The following ATP6V1C1 variants were observed in gnomAD, a reference collection of about 807,000 sequenced individuals.
ATP6V1C1 encodes ATPase H+ transporting V1 subunit C1.
ATP6V1C1 carries 45 observed loss-of-function variants against 53.9 expected under a neutral mutation model. That is an observed-to-expected ratio of 0.83 (90% CI 0.66 to 1.07). The LOEUF (loss-of-function observed/expected upper bound fraction) is 1.07. ATP6V1C1 is among the 50% of genes least tolerant of loss of function. The pLI is 0.00. For synonymous variants in ATP6V1C1, 153 were observed against 155.2 expected (o/e 0.99, Z 0.11); for missense variants, 315 against 440.3 (o/e 0.72, Z 2.55).
intron 1 of ATP6V1C1, among the ~76,000 whole-genome samples, chr8:103,030,195 G>A (rs1816773043): frequency 1.3e-5 from 2 of 151,622 alleles, no homozygotes; most frequent in African/African-American, 4.9e-5. Context: ...TAGTACAAAA[G>A]CAATACATGT....
intron 4 of ATP6V1C1, among the ~76,000 whole-genome samples, chr8:103,050,773 A>G (rs1353569068): frequency 6.6e-6 from 1 of 152,218 alleles, no homozygotes; most frequent in Admixed American, 6.5e-5. Context: ...CATATGAGGC[A>G]TATTAGGAAT....
In ATP6V1C1 at chr8:103,063,566, A is replaced by T. The variant is rs560461959; in HGVS notation, c.828+338A>T. On this transcript the variant is annotated intron_variant, in intron 10 of 12. Transcript: ENST00000518738. Reference sequence around the variant, plus strand: ...TTTTAAATGCAGTATTCTGGTTAACATCCTTGTAGGTGAAGGGTGATTTTA... The same window carrying T: ...TTTTAAATGCAGTATTCTGGTTAACTTCCTTGTAGGTGAAGGGTGATTTTA... 4.7e-4 allele frequency among the ~76,000 whole-genome samples: 72 copies of T among 152,318 alleles called. 1 individual carries two copies. The highest frequency in any genetic ancestry group is 7.2e-4 in the Non-Finnish European group (49 of 67,998).
chr8:103,051,241 G>A, intron 5 of ATP6V1C1, 97 bp downstream of exon 5: 2 of 851,886 alleles, frequency 2.3e-6, no homozygotes. Flanking sequence ...TTTTGATAAG[G>A]CAACTTAATT....
In ATP6V1C1 at chr8:103,068,925, T is replaced by C. The variant is rs986634231; in HGVS notation, c.*178T>C. On this transcript the variant is annotated 3_prime_UTR_variant, in exon 13 of 13. Coordinates refer to ENST00000518738, the MANE Select transcript of ATP6V1C1 (RefSeq NM_001695.5). ...CATTTTCTTTTTAAAGGAAAAAATA[T>C]ATATATATAGTTTCTTTTTATTGAT... is the stretch of plus-strand genomic sequence containing the variant. 3 of 367,044 alleles carry C rather than the reference T, an allele frequency of 8.2e-6. No homozygotes were observed. Among genetic ancestry groups the C allele is most frequent in the East Asian group, 4.2e-5 (1 of 23,838 alleles). The allele number at this position is 367,044 out of a possible 1,614,324, so 22.7% of individuals were successfully genotyped here. A position where few individuals can be genotyped will look rare whatever the true frequency, so the allele number is the denominator to read the frequency against.
intron 1 of ATP6V1C1, 84 bp downstream of exon 1, chr8:103,021,309 G>A (rs1816581225): frequency 6.5e-6 from 1 of 152,756 alleles, no homozygotes; most frequent in African/African-American, 2.4e-5. Flanking sequence ...GAGGGACGCG[G>A]GTGGGTGCGG....
chr8:103,042,284 T>G (rs943270325), intron 2 of ATP6V1C1, 56 bp from the exon 3 acceptor site: 4 of 1,494,474 alleles, frequency 2.7e-6, no homozygotes, highest in Non-Finnish European at 3.7e-6. Context: ...TGAATCATCT[T>G]GTTTTTTTTT....
intron 1 of ATP6V1C1, among the ~76,000 whole-genome samples, chr8:103,027,355 T>G (rs781631848): frequency 6.6e-6 from 1 of 152,198 alleles, no homozygotes; most frequent in African/African-American, 2.4e-5. Context: ...CTTGAAAGCA[T>G]TGAAATCAGT....
chr8:103,049,088 T>C lies in ATP6V1C1; in HGVS notation c.286+133T>C, dbSNP rs1431573737. The C allele has an allele frequency of 3.9e-6, 3 of 760,858 alleles. No homozygotes were observed. The Admixed American group carries it at 8.9e-5, about 23-fold the overall frequency. 47.1% of individuals were successfully genotyped at this position (760,858 alleles called of 1,614,324 possible). On this transcript the variant is annotated intron_variant, in intron 4 of 12. Coordinates refer to ENST00000518738, the MANE Select transcript of ATP6V1C1 (RefSeq NM_001695.5). Reference sequence around the variant, plus strand: ...CAATAGAAAGCCATTAAAATACAATTATTATTACTGAATTTGGTGATACTT... The same window carrying C: ...CAATAGAAAGCCATTAAAATACAATCATTATTACTGAATTTGGTGATACTT...
At chr8:103,021,831 C>G (rs1816600118) in intron 1 of ATP6V1C1, among the ~76,000 whole-genome samples, 1 of 151,960 alleles carries the variant, frequency 6.6e-6, no homozygotes, top group Non-Finnish European at 1.5e-5. Flanking sequence ...AAAACAAACC[C>G]CTAGAAAAGA....
At chr8:103,049,000 A>T (rs1817153760) in intron 4 of ATP6V1C1, 45 bp downstream of exon 4, 1 of 1,547,634 alleles carries the variant, frequency 6.5e-7, no homozygotes, top group Non-Finnish European at 8.9e-7. Context: ...CATACAAAGC[A>T]AATAACTAAG....
intron 8 of ATP6V1C1, among the ~76,000 whole-genome samples, chr8:103,056,728 A>G (rs1817294750): frequency 6.6e-6 from 1 of 152,324 alleles, no homozygotes; most frequent in Non-Finnish European, 1.5e-5. Context: ...CTTTGAGAAA[A>G]TATAAATACA....
chr8:103,060,505 A>G (rs1256428247), intron 8 of ATP6V1C1, among the ~76,000 whole-genome samples: 1 of 152,220 alleles, frequency 6.6e-6, no homozygotes, highest in Non-Finnish European at 1.5e-5. Flanking sequence ...TATTGCAGTT[A>G]CTTGTGTATG....
At chr8:103,048,419 A>G (rs887533064) in intron 3 of ATP6V1C1, among the ~76,000 whole-genome samples, 2 of 152,196 alleles carry the variant, frequency 1.3e-5, no homozygotes, top group African/African-American at 4.8e-5. Flanking sequence ...CATCATGACT[A>G]TTGCTTACGT....
chr8:103,068,997 A>G lies in ATP6V1C1; in HGVS notation c.*250A>G. Reference sequence around the variant, plus strand: ...AAAAAATCAGAGTTTATTTATAAACAAAATAGTTTATTTAAAGAGAAGGTC... The same window carrying G: ...AAAAAATCAGAGTTTATTTATAAACGAAATAGTTTATTTAAAGAGAAGGTC... On this transcript the variant is annotated 3_prime_UTR_variant, in exon 13 of 13. Transcript: ENST00000518738. The G allele has an allele frequency of 3.8e-6, 1 of 261,872 alleles. No individual in the cohort carries two copies. Among genetic ancestry groups the G allele is most frequent in the Non-Finnish European group, 7.1e-6 (1 of 141,698 alleles). 16.2% of individuals were successfully genotyped at this position (261,872 alleles called of 1,614,324 possible). A position where few individuals can be genotyped will look rare whatever the true frequency, so the allele number is the denominator to read the frequency against.
intron 3 of ATP6V1C1, among the ~76,000 whole-genome samples, chr8:103,042,815 C>G (rs1202882025): frequency 6.6e-6 from 1 of 152,142 alleles, no homozygotes; most frequent in Non-Finnish European, 1.5e-5. Context: ...TATAGATTTG[C>G]TTGGTCTGGA....
chr8:103,027,830 G>C (rs1413787037), intron 1 of ATP6V1C1, among the ~76,000 whole-genome samples: 1 of 151,860 alleles, frequency 6.6e-6, no homozygotes, highest in African/African-American at 2.4e-5. Context: ...TCTACATGAA[G>C]TCTTCCTCCC....
intron 1 of ATP6V1C1, among the ~76,000 whole-genome samples, chr8:103,030,729 A>AGAGG (rs1816782691): frequency 6.6e-6 from 1 of 151,886 alleles, no homozygotes; most frequent in Non-Finnish European, 1.5e-5. Context: ...ATTGACAGAG[A>AGAGG]GAGGGAGCTA....
intron 8 of ATP6V1C1, among the ~76,000 whole-genome samples, chr8:103,058,514 C>T (rs1817330710): frequency 6.6e-6 from 1 of 152,164 alleles, no homozygotes; most frequent in Admixed American, 6.5e-5. Flanking sequence ...GAATTTTTGG[C>T]TTATCATCAC....
In ATP6V1C1 at chr8:103,071,870, G is replaced by C. The variant is rs1377692765; in HGVS notation, c.*3123G>C. Reference sequence around the variant, plus strand: ...GAGCTCAAGGGATCCTCCCGCCTCAGCCTCCCAAAGTGCTGGTGTTACAGG... The same window carrying C: ...GAGCTCAAGGGATCCTCCCGCCTCACCCTCCCAAAGTGCTGGTGTTACAGG... On this transcript the variant is annotated 3_prime_UTR_variant, in exon 13 of 13. Coordinates refer to ENST00000518738, the MANE Select transcript of ATP6V1C1 (RefSeq NM_001695.5). 6.6e-6 allele frequency: 1 copy of C among 152,442 alleles called. No individual in the cohort carries two copies. Among genetic ancestry groups the C allele is most frequent in the South Asian group, 2.1e-4 (1 of 4,822 alleles). 9.4% of individuals were successfully genotyped at this position (152,442 alleles called of 1,614,324 possible).
Sources: allele counts gnomAD v4.1 joint callset (sites outside exome capture counted in the v4.1 genomes callset), GRCh38; gene constraint gnomAD v4.1.1; transcripts MANE v1.5; gene names NCBI Gene and HGNC (gene_info 2026-07-23, HGNC 2026-07-21).